The following ATP2A2 variants were observed in gnomAD, a reference collection of about 807,000 sequenced individuals.
ATP2A2 encodes the protein sarcoplasmic/endoplasmic reticulum calcium ATPase 2.
A neutral mutation model predicts 109.3 loss-of-function variants in ATP2A2; 14 were observed. The ratio of observed to expected loss-of-function variants is 0.13; its 90% CI spans 0.08 to 0.20. ATP2A2 has a LOEUF of 0.20. ATP2A2 is among the 10% of genes least tolerant of loss of function. The pLI, the probability that ATP2A2 is intolerant of heterozygous loss-of-function variation, is 1.00. For synonymous variants in ATP2A2, 506 were observed against 490.9 expected (o/e 1.03, Z -0.41); for missense variants, 657 against 1,321.6 (o/e 0.50, Z 7.80).
intron 3 of ATP2A2, among the ~76,000 whole-genome samples, chr12:110,287,975 G>A (rs1304486330): frequency 6.6e-6 from 1 of 151,376 alleles, no homozygotes; most frequent in Admixed American, 6.6e-5. Context: ...AGGGTCTCCT[G>A]TCGCCCAGCG....
rs530628694 is a variant in ATP2A2, at chr12:110,340,393, C to G, written c.1762-266C>G. Among the ~76,000 whole-genome samples, 6 of 152,108 alleles carry G rather than the reference C, an allele frequency of 3.9e-5. No individual in the cohort carries two copies. In the East Asian group the frequency reaches 9.7e-4, roughly 25 times the overall value. On this transcript the variant is annotated intron_variant, in intron 13 of 19. Transcript: ENST00000539276. This position sits in a 1 kb window ranked among gnomAD's most constrained non-coding sequence, Gnocchi z 6.0. ...ATCTCTACTAAAAATACAAAATTAG[C>G]CAGGTGTGGTGGCGCATACCTGTAG...
rs1014324433 is a variant in ATP2A2 at position 110,327,831 on chromosome 12, T to C, written c.909T>C (p.Ala303=). 9 of 1,614,084 alleles carry C rather than the reference T, an allele frequency of 5.6e-6. No homozygotes were observed. In the South Asian group the frequency reaches 6.6e-5, roughly 12 times the overall value. Residue 303 remains alanine (A), a synonymous_variant, in exon 8 of 20, where the codon GCT becomes GCC. Transcript: ENST00000539276. This position sits in a 1 kb window ranked among gnomAD's most constrained non-coding sequence, Gnocchi z 4.4. ...IYYFKIAVAL[A]VAAIPEGLPA... ...ACTTTAAAATTGCAGTGGCCCTGGC[T>C]GTAGCAGCCATTCCTGAAGGTCTGC...
rs989617825 is a variant in ATP2A2, at chr12:110,314,278, A to C, written c.464-8714A>C. On this transcript the variant is annotated intron_variant, in intron 5 of 19. Transcript: ENST00000539276. Reference sequence around the variant, plus strand: ...AGGAGGCAGAGTTTGTGCTGAGCTGATATCGTGCCATTGCACTCCAGCCTG... The same window carrying C: ...AGGAGGCAGAGTTTGTGCTGAGCTGCTATCGTGCCATTGCACTCCAGCCTG... Among the ~76,000 whole-genome samples the C allele has an allele frequency of 2.0e-5, 3 of 151,440 alleles. No homozygotes were observed. The East Asian group carries it at 5.9e-4, about 30-fold the overall frequency.
At position 110,345,002 on chromosome 12, in the gene ATP2A2, C is replaced by CATG. The variant is rs772273404; in HGVS notation, c.2607+33_2607+35dup. 1.5e-5 allele frequency: 24 copies of CATG among 1,607,656 alleles called. 1 individual carries two copies. In the South Asian group the frequency reaches 2.6e-4, roughly 18 times the overall value. On this transcript the variant is annotated intron_variant, in intron 17 of 19. Coordinates refer to ENST00000539276, the MANE Select transcript of ATP2A2 (RefSeq NM_170665.4). The stretch of plus-strand genomic sequence containing the variant: ...CAGTCACCTTTCTTTCTGTACCTTA[C>CATG]ATGAGAAGTGTTGTGAGGCCTTGAC...
At chr12:110,311,615 A>AAAC (rs1555279863) in intron 5 of ATP2A2, among the ~76,000 whole-genome samples, 1 of 150,288 alleles carries the variant, frequency 6.7e-6, no homozygotes, top group Non-Finnish European at 1.5e-5. Flanking sequence ...AAAAAAAAAA[A>AAAC]AAAAAAACGC....
chr12:110,348,913 C>T lies in ATP2A2; in HGVS notation c.*2443C>T. ...GCTGCAAACTGACTTGAGTGCTGCA[C>T]TATTGCTATTCCGTGCAAACAAAAC... On this transcript the variant is annotated 3_prime_UTR_variant, in exon 20 of 20. Coordinates refer to ENST00000539276, the MANE Select transcript of ATP2A2 (RefSeq NM_170665.4). 1 of 985,460 alleles carries T rather than the reference C, an allele frequency of 1.0e-6. No individual in the cohort carries two copies. Among genetic ancestry groups the T allele is most frequent in the South Asian group, 4.7e-5 (1 of 21,286 alleles). The allele number at this position is 985,460 out of a possible 1,614,324, so 61.0% of individuals were successfully genotyped here.
intron 5 of ATP2A2, among the ~76,000 whole-genome samples, chr12:110,316,098 T>C (rs1351106828): frequency 6.6e-6 from 1 of 152,170 alleles, no homozygotes; most frequent in African/African-American, 2.4e-5. Context: ...AAAAGTAAAA[T>C]AAAATAAAAT....
At chr12:110,281,192 C>G (rs1243280829), upstream of ATP2A2, 1 of 150,344 alleles carries the variant, frequency 6.7e-6, no homozygotes, top group South Asian at 2.1e-4. Flanking sequence ...GGCCAATGAG[C>G]GGCGTCCACA....
chr12:110,340,233 T>TC lies in ATP2A2; in HGVS notation c.1762-425dup, dbSNP rs1879218532. On this transcript the variant is annotated intron_variant, in intron 13 of 19. Coordinates refer to ENST00000539276, the MANE Select transcript of ATP2A2 (RefSeq NM_170665.4). The surrounding 1 kb of genome is among the most constrained non-coding windows in gnomAD (Gnocchi z 6.0). ...TAACGGGTGTAGTGGTATTTTTTTTTCTCATAAGAAAATGCAAAAACCGCC... is the reference window on the plus strand; with the variant it reads ...TAACGGGTGTAGTGGTATTTTTTTTTCCTCATAAGAAAATGCAAAAACCGCC... Among the ~76,000 whole-genome samples the TC allele has an allele frequency of 6.6e-6, 1 of 152,112 alleles. No individual in the cohort carries two copies. The highest frequency in any genetic ancestry group is 1.5e-5 in the Non-Finnish European group (1 of 68,016).
intron 5 of ATP2A2, among the ~76,000 whole-genome samples, chr12:110,303,620 C>T (rs959711891): frequency 6.6e-6 from 1 of 152,140 alleles, no homozygotes; most frequent in African/African-American, 2.4e-5. Flanking sequence ...CCGTGTTGGC[C>T]AGGATGGTCT....
In ATP2A2 at chr12:110,348,135, C is replaced by G. The variant is rs1880057890; in HGVS notation, c.*1665C>G. 1 of 985,384 alleles carries G rather than the reference C, an allele frequency of 1.0e-6. No individual in the cohort carries two copies. The highest frequency in any genetic ancestry group is 1.2e-6 in the Non-Finnish European group (1 of 829,982). 61.0% of individuals were successfully genotyped at this position (985,384 alleles called of 1,614,324 possible). A position where few individuals can be genotyped will look rare whatever the true frequency, so the allele number is the denominator to read the frequency against. On this transcript the variant is annotated 3_prime_UTR_variant, in exon 20 of 20. Coordinates refer to ENST00000539276, the MANE Select transcript of ATP2A2 (RefSeq NM_170665.4). ...CTATTGCTAAAATGAGGGTTCGCAG[C>G]TGCCAGGAGTCATCCCAGAACATTG...
chr12:110,296,591 T>C lies in ATP2A2; in HGVS notation c.325-8T>C. 6.2e-6 allele frequency: 10 copies of C among 1,614,120 alleles called. No individual in the cohort carries two copies. Among genetic ancestry groups the C allele is most frequent in the African/African-American group, 4.0e-5 (3 of 75,038 alleles). On this transcript the variant is annotated splice_polypyrimidine_tract_variant and splice_region_variant and intron_variant, in intron 4 of 19. Coordinates refer to ENST00000539276, the MANE Select transcript of ATP2A2 (RefSeq NM_170665.4). Reference sequence around the variant, plus strand: ...GTCTTTACTACTCTTCTGTTTTCTTTTATACAGGAAAGAAATGCTGAAAAT... The same window carrying C: ...GTCTTTACTACTCTTCTGTTTTCTTCTATACAGGAAAGAAATGCTGAAAAT...
intron 4 of ATP2A2, among the ~76,000 whole-genome samples, chr12:110,292,866 A>G (rs1873467271): frequency 6.6e-6 from 1 of 152,132 alleles, no homozygotes; most frequent in Non-Finnish European, 1.5e-5. Flanking sequence ...GAATGTGAGA[A>G]CCATTATCTT....
intron 5 of ATP2A2, among the ~76,000 whole-genome samples, chr12:110,305,748 G>A (rs1004308275): frequency 6.6e-6 from 1 of 151,910 alleles, no homozygotes; most frequent in African/African-American, 2.4e-5. Flanking sequence ...TTTAAGAGTT[G>A]CTTGTCAATT....
chr12:110,323,178 T>G, intron 6 of ATP2A2, 106 bp downstream of exon 6: 1 of 882,540 alleles, frequency 1.1e-6, no homozygotes, highest in South Asian at 1.3e-5. Context: ...CCCATCTTAA[T>G]CCTCTCTAAG....
At chr12:110,301,711 T>C (rs768489008) in intron 5 of ATP2A2, among the ~76,000 whole-genome samples, 4 of 152,214 alleles carry the variant, frequency 2.6e-5, no homozygotes, top group Non-Finnish European at 5.9e-5. Context: ...AAAAAACCCT[T>C]AAGGGACTTC....
chr12:110,332,004 T>G (rs1365033504), intron 8 of ATP2A2: 1 of 159,868 alleles, frequency 6.3e-6, no homozygotes, highest in Non-Finnish European at 1.4e-5. Flanking sequence ...TGCGGGCTCC[T>G]TACTGTATAC....
intron 4 of ATP2A2, among the ~76,000 whole-genome samples, chr12:110,294,620 G>A (rs377597597): frequency 2.6e-5 from 4 of 152,042 alleles, no homozygotes; most frequent in African/African-American, 9.7e-5. Flanking sequence ...CTGCACTCGA[G>A]CCTGGGCGAC....
intron 3 of ATP2A2, among the ~76,000 whole-genome samples, chr12:110,284,444 T>C (rs1020140013): frequency 5.9e-5 from 9 of 152,200 alleles, no homozygotes; most frequent in African/African-American, 2.2e-4. Context: ...GTGTTACAAG[T>C]TGAAGCAGTG....
Sources: gnomAD v4.1 joint callset for allele counts (sites outside exome capture counted in the v4.1 genomes callset) on GRCh38, gnomAD v4.1.1 for gene constraint, Gnocchi (gnomAD v3.1) non-coding constraint, MANE v1.5 for transcripts, NCBI Gene and HGNC (gene_info 2026-07-23, HGNC 2026-07-21) for gene names.